The following LRRC66 variants were observed in gnomAD, a reference collection of about 807,000 sequenced individuals.
The protein encoded by LRRC66 is leucine rich repeat containing 66.
Under a neutral mutation model 24.6 loss-of-function variants are expected in LRRC66, and 29 were observed. The ratio of observed to expected loss-of-function variants is 1.18; its 90% CI spans 0.88 to 1.61. The LOEUF is 1.61. Among genes scored for constraint, LRRC66 ranks in the 40% most tolerant of loss-of-function variants. The probability of loss-of-function intolerance (pLI) is 0.00; values close to 1 mark genes in which losing one functional copy is unlikely to be tolerated. For missense variants in LRRC66, 1,124 were observed against 1,058.0 expected (o/e 1.06, Z -0.87); for synonymous variants, 411 against 397.6 (o/e 1.03, Z -0.40).
chr4:51,998,901 C>T (rs543474071), intron 3 of LRRC66, among the ~76,000 whole-genome samples: 16 of 152,308 alleles, frequency 1.1e-4, no homozygotes, highest in African/African-American at 3.8e-4. Context: ...TGGGTTAAGC[C>T]ACACAGTATA....
At position 51,994,382 on chromosome 4, in the gene LRRC66, T is replaced by C; in HGVS notation, c.2640A>G (p.Lys880=). ...AFHERDSDIL[K] is the part of the protein sequence containing the mutation. ...ATATTTCCTTAATGAAAGATTCTTATTTTAAAATGTCTGAGTCTCTTTCAT... is the reference window on the plus strand; with the variant it reads ...ATATTTCCTTAATGAAAGATTCTTACTTTAAAATGTCTGAGTCTCTTTCAT... The change falls in exon 5 of 5, where the codon AAA becomes AAG. Residue 880 remains lysine (K), a synonymous_variant. Coordinates refer to ENST00000682860, the MANE Select transcript of LRRC66 (RefSeq NM_001024611.3). 1.9e-6 allele frequency: 3 copies of C among 1,602,046 alleles called. No homozygotes were observed. The highest frequency in any genetic ancestry group is 1.3e-5 in the African/African-American group (1 of 74,228).
chr4:52,009,567 G>T (rs1271943957), intron 2 of LRRC66, among the ~76,000 whole-genome samples: 2 of 152,084 alleles, frequency 1.3e-5, no homozygotes, highest in African/African-American at 4.8e-5. Flanking sequence ...CATTACTACA[G>T]AGTCTATAGA....
rs1332416352 is a variant in LRRC66, at chr4:51,994,701, T to C, written c.2321A>G (p.Glu774Gly). 1 of 1,614,070 alleles carries C rather than the reference T, an allele frequency of 6.2e-7. No individual in the cohort carries two copies. Among genetic ancestry groups the C allele is most frequent in the Non-Finnish European group, 8.5e-7 (1 of 1,180,028 alleles). ...GTCTGGAGCAGAAATGAGAGGTTTTTCAAAGGGATCTTCTTGATTCTTGCA... is the reference window on the plus strand; with the variant it reads ...GTCTGGAGCAGAAATGAGAGGTTTTCCAAAGGGATCTTCTTGATTCTTGCA... ...GKCKNQEDPFEKPLISAPDSG... is the reference protein window; with the variant it reads ...GKCKNQEDPFGKPLISAPDSG... The change falls in exon 5 of 5, where the codon GAA (glutamate) becomes GGA (glycine). Residue 774 changes from glutamate to glycine, a missense_variant. By Grantham distance (98) the Glu-to-Gly change is moderately conservative. Transcript: ENST00000682860.
chr4:52,015,080 GGAGA>G (rs1485719701), intron 2 of LRRC66, among the ~76,000 whole-genome samples: 1 of 152,136 alleles, frequency 6.6e-6, no homozygotes, highest in African/African-American at 2.4e-5. Context: ...TCTGCCTTAA[GGAGA>G]GAAACTCAGC....
At chr4:52,011,927 G>A (rs1163310532) in intron 2 of LRRC66, among the ~76,000 whole-genome samples, 3 of 152,208 alleles carry the variant, frequency 2.0e-5, no homozygotes, top group African/African-American at 7.2e-5. Flanking sequence ...ACTGATGCCT[G>A]TAATCCCAGC....
chr4:52,015,704 T>G (rs2110203590), intron 2 of LRRC66, among the ~76,000 whole-genome samples: 1 of 152,310 alleles, frequency 6.6e-6, no homozygotes, highest in South Asian at 2.1e-4. Flanking sequence ...ATTATATGGA[T>G]ATATGTAGCT....
intron 2 of LRRC66, among the ~76,000 whole-genome samples, chr4:52,011,581 G>A (rs903974177): frequency 2.0e-5 from 3 of 152,116 alleles, no homozygotes; most frequent in African/African-American, 7.2e-5. Flanking sequence ...TGAAATCAAG[G>A]AAGTTACCGT....
intron 2 of LRRC66, among the ~76,000 whole-genome samples, chr4:52,013,123 T>A (rs1046408372): frequency 2.0e-5 from 3 of 152,226 alleles, no homozygotes; most frequent in Admixed American, 6.5e-5. Context: ...TTTAGTGTCT[T>A]ATATACTTTT....
Position 52,003,254 on chromosome 4 carries a change from G to C in LRRC66, c.635C>G (p.Pro212Arg). ...LKSNKIFKIP[P>R]QAFKDLKKLQ... is the part of the protein sequence containing the mutation. ...TTTTTTGAGGTCCTTGAAGGCTTGTGGGGGAATTTTGAATATCTTGTTGCT... is the reference window on the plus strand; with the variant it reads ...TTTTTTGAGGTCCTTGAAGGCTTGTCGGGGAATTTTGAATATCTTGTTGCT... The change falls in exon 3 of 5, where the codon CCA becomes CGA. Residue 212 changes from proline to arginine, a missense_variant. Pro to Arg is a moderately radical substitution (Grantham distance 103). Coordinates refer to ENST00000682860, the MANE Select transcript of LRRC66 (RefSeq NM_001024611.3). 1.2e-6 allele frequency: 2 copies of C among 1,613,058 alleles called. No homozygotes were observed. Among genetic ancestry groups the C allele is most frequent in the Non-Finnish European group, 1.7e-6 (2 of 1,179,726 alleles).
At position 51,996,052 on chromosome 4, in the gene LRRC66, G is replaced by A. The variant is rs781209938; in HGVS notation, c.970C>T (p.Pro324Ser). The change falls in exon 5 of 5, where the codon CCC (proline) becomes TCC (serine). Residue 324 changes from proline (P) to serine (S), a missense_variant. By Grantham distance (74) the Pro-to-Ser change is moderately conservative (BLOSUM62 -1). Coordinates refer to ENST00000682860, the MANE Select transcript of LRRC66 (RefSeq NM_001024611.3). ...KSLIRSKAER[P>S]QGGRHTGIST... Reference sequence around the variant, plus strand: ...ATGCCCGTGTGCCTTCCTCCCTGGGGCCTCTCTGCTTTGCTCCTTATGAGG... The same window carrying A: ...ATGCCCGTGTGCCTTCCTCCCTGGGACCTCTCTGCTTTGCTCCTTATGAGG... 34 of 1,613,884 alleles carry A rather than the reference G, an allele frequency of 2.1e-5. No homozygotes were observed. The Middle Eastern group carries it at 8.2e-4, about 39-fold the overall frequency.
chr4:52,008,722 A>G (rs928289828), intron 2 of LRRC66, among the ~76,000 whole-genome samples: 1 of 152,174 alleles, frequency 6.6e-6, no homozygotes, highest in African/African-American at 2.4e-5. Flanking sequence ...CTTTTCAATA[A>G]AGATTTGAAA....
chr4:52,003,367 C>CAGAGTCAT lies in LRRC66; in HGVS notation c.521_522insATGACTCT (p.Ser175Ter), dbSNP rs370939260. 8.7e-6 allele frequency: 14 copies of CAGAGTCAT among 1,612,512 alleles called. No homozygotes were observed. The highest frequency in any genetic ancestry group is 5.3e-5 in the African/African-American group (4 of 74,968). Reference sequence around the variant, plus strand: ...TCCCATTGAATGACAGATCCAAACTCTGCAATGACTTCAGTTTCCACAGTC... The same window carrying CAGAGTCAT: ...TCCCATTGAATGACAGATCCAAACTCAGAGTCATTGCAATGACTTCAGTTTCCACAGTC... On this transcript the variant is annotated stop_gained and frameshift_variant, in exon 3 of 5. Transcript: ENST00000682860. LOFTEE classifies it high-confidence loss of function.
chr4:52,018,614 T>G, intron 1 of LRRC66: 1 of 983,750 alleles, frequency 1.0e-6, no homozygotes, highest in African/African-American at 1.7e-5. Flanking sequence ...CCTAGGTGAC[T>G]CCAAAGGATT....
At chr4:52,008,647 A>C (rs569909202) in intron 2 of LRRC66, among the ~76,000 whole-genome samples, 3 of 152,164 alleles carry the variant, frequency 2.0e-5, no homozygotes, top group Non-Finnish European at 4.4e-5. Flanking sequence ...AAAATCTTTA[A>C]AACGGTCAGC....
rs201132755 is a variant in LRRC66, at chr4:52,007,344, AT to A, written c.497-3953del. Reference sequence around the variant, plus strand: ...CAGGTGTGTGCCACTATGTCTGGCTATTTTTTTTTCTTTTAATTTTTTGTAG... The same window carrying A: ...CAGGTGTGTGCCACTATGTCTGGCTATTTTTTTTCTTTTAATTTTTTGTAG... On this transcript the variant is annotated intron_variant, in intron 2 of 4. Coordinates refer to ENST00000682860, the MANE Select transcript of LRRC66 (RefSeq NM_001024611.3). Among the ~76,000 whole-genome samples, 44 of 150,960 alleles carry A rather than the reference AT, an allele frequency of 2.9e-4. No homozygotes were observed. In the South Asian group the frequency reaches 3.8e-3, roughly 13 times the overall value.
rs751005825 is a variant in LRRC66 at position 51,995,078 on chromosome 4, C to A, written c.1944G>T (p.Ala648=). 11 of 1,614,064 alleles carry A rather than the reference C, an allele frequency of 6.8e-6. No homozygotes were observed. Among genetic ancestry groups the A allele is most frequent in the Non-Finnish European group, 8.5e-6 (10 of 1,180,054 alleles). The change falls in exon 5 of 5, where the codon GCG becomes GCT. Residue 648 remains alanine (A), a synonymous_variant. Transcript: ENST00000682860. ...GAACCTCGCTGTAGTGGGCTGAAAG[C>A]GCTTCCTCAGCCCTTGCCCCGGACA... The part of the protein sequence containing the change: ...PRLSGARAEE[A]LSAHYSEVPY...
At chr4:52,010,241 A>G (rs1736669905) in intron 2 of LRRC66, among the ~76,000 whole-genome samples, 1 of 152,218 alleles carries the variant, frequency 6.6e-6, no homozygotes, top group Admixed American at 6.5e-5. Context: ...ATGAATCCAC[A>G]TGATGGAATT....
Position 52,017,202 on chromosome 4 carries a change from G to A in LRRC66, c.412C>T (p.Arg138Cys), listed in dbSNP as rs58322494. The A allele has an allele frequency of 1.1e-3, 1,759 of 1,614,106 alleles. 12 individuals are homozygous for A. In the African/African-American group the frequency reaches 0.021, roughly 20 times the overall value. The change falls in exon 2 of 5, where the codon CGC becomes TGC. Residue 138 changes from arginine to cysteine, a missense_variant. Physicochemically the swap from Arg to Cys is radical, Grantham distance 180. Transcript: ENST00000682860. The part of the protein sequence containing the change: ...LLSPKSSWVK[R>C]HRSSFRNRFP... ...CTGTTTCTGAAGCTGCTTCTGTGGC[G>A]TTTCACCCATGAGGACTTAGGACTG...
At position 52,017,238 on chromosome 4, in the gene LRRC66, A is replaced by G; in HGVS notation, c.376T>C (p.Leu126=). 1 of 1,614,144 alleles carries G rather than the reference A, an allele frequency of 6.2e-7. No individual in the cohort carries two copies. Among genetic ancestry groups the G allele is most frequent in the Non-Finnish European group, 8.5e-7 (1 of 1,180,002 alleles). ...GAGGACTTAGGACTGAGTAGATCCA[A>G]TGAGAGGGAGTGGATGGCATTGTTG... ...LSNNAIHSLS[L]DLLSPKSSWV... Residue 126 remains leucine, a synonymous_variant, in exon 2 of 5, where the codon TTG becomes CTG. Transcript: ENST00000682860.
Sources: gnomAD v4.1 joint callset for allele counts (sites outside exome capture counted in the v4.1 genomes callset) on GRCh38, gnomAD v4.1.1 for gene constraint, MANE v1.5 for transcripts, NCBI Gene and HGNC (gene_info 2026-07-23, HGNC 2026-07-21) for gene names.